The following PDZRN4 variants were observed in gnomAD, a reference collection of about 807,000 sequenced individuals.
PDZRN4 encodes PDZ domain-containing RING finger protein 4.
Under a neutral mutation model 99.0 loss-of-function variants are expected in PDZRN4, and 70 were observed. The observed-to-expected ratio is 0.71, with a 90% confidence interval of 0.58 to 0.86. PDZRN4 has a LOEUF of 0.86. PDZRN4 is among the 40% of genes least tolerant of loss of function. The pLI, the probability that PDZRN4 is intolerant of heterozygous loss-of-function variation, is 0.00. For synonymous variants in PDZRN4, 551 were observed against 501.6 expected (o/e 1.10, Z -1.32); for missense variants, 1,474 against 1,331.2 (o/e 1.11, Z -1.67).
rs181250678 is a variant in PDZRN4 at position 41,205,014 on chromosome 12, A to T, written c.843+10826A>T. 1.3e-3 allele frequency among the ~76,000 whole-genome samples: 194 copies of T among 152,044 alleles called. 1 individual carries two copies. Among genetic ancestry groups the T allele is most frequent in the African/African-American group, 4.4e-3 (184 of 41,506 alleles). ...AACTATTTTTGTTAAAAGACATTTA[A>T]TTATTTTATTTTATTTTTATGATTC... On this transcript the variant is annotated intron_variant, in intron 3 of 9. Coordinates refer to ENST00000402685, the MANE Select transcript of PDZRN4 (RefSeq NM_001164595.2).
At chr12:41,260,304 T>A (rs989253974) in intron 3 of PDZRN4, among the ~76,000 whole-genome samples, 1 of 152,148 alleles carries the variant, frequency 6.6e-6, no homozygotes, top group Non-Finnish European at 1.5e-5. Flanking sequence ...TTCCCTAACA[T>A]AACAGCAGAG....
chr12:41,549,856 G>T (rs1201734232), intron 5 of PDZRN4, among the ~76,000 whole-genome samples: 3 of 152,104 alleles, frequency 2.0e-5, no homozygotes, highest in Non-Finnish European at 4.4e-5. Context: ...CATACCTCAA[G>T]GACTCCAAGG....
intron 5 of PDZRN4, among the ~76,000 whole-genome samples, chr12:41,511,596 G>A (rs1248296713): frequency 6.6e-6 from 1 of 152,036 alleles, no homozygotes; most frequent in Admixed American, 6.6e-5. Context: ...TCATTAGAAA[G>A]GATGCATTTG....
At chr12:41,365,177 A>G (rs1004097005) in intron 3 of PDZRN4, among the ~76,000 whole-genome samples, 1 of 152,136 alleles carries the variant, frequency 6.6e-6, no homozygotes. Context: ...ATGGGAAATA[A>G]TAAAAGATAT....
intron 3 of PDZRN4, among the ~76,000 whole-genome samples, chr12:41,405,701 T>C (rs1272656502): frequency 6.6e-6 from 1 of 152,088 alleles, no homozygotes; most frequent in Non-Finnish European, 1.5e-5. Flanking sequence ...TCAACCTAAA[T>C]GCGGATCAGT....
intron 3 of PDZRN4, among the ~76,000 whole-genome samples, chr12:41,392,977 A>T (rs993088765): frequency 6.6e-6 from 1 of 152,204 alleles, no homozygotes; most frequent in African/African-American, 2.4e-5. Flanking sequence ...ATTCAGGAAG[A>T]TTTATTGGGT....
intron 3 of PDZRN4, among the ~76,000 whole-genome samples, chr12:41,282,762 C>T (rs1235360371): frequency 6.6e-6 from 1 of 152,120 alleles, no homozygotes; most frequent in African/African-American, 2.4e-5. Flanking sequence ...CAACCTGCTC[C>T]TGAATGACTA....
intron 5 of PDZRN4, among the ~76,000 whole-genome samples, chr12:41,533,873 T>G (rs192108339): frequency 3.8e-4 from 58 of 152,326 alleles, no homozygotes; most frequent in African/African-American, 1.4e-3. Flanking sequence ...CCTTTTCTGT[T>G]TCTTCTTCCC....
chr12:41,216,379 T>C (rs1950920877), intron 3 of PDZRN4, among the ~76,000 whole-genome samples: 1 of 151,958 alleles, frequency 6.6e-6, no homozygotes, highest in South Asian at 2.1e-4. Flanking sequence ...AAGAATAAAA[T>C]TAAGTTTTAG....
chr12:41,345,735 C>T (rs964347026), intron 3 of PDZRN4, among the ~76,000 whole-genome samples: 1 of 152,082 alleles, frequency 6.6e-6, no homozygotes, highest in Admixed American at 6.6e-5. Context: ...ACCTTTCTTC[C>T]TCTTGCCCCC....
intron 3 of PDZRN4, among the ~76,000 whole-genome samples, chr12:41,489,998 G>C (rs1287129787): frequency 6.6e-6 from 1 of 150,920 alleles, no homozygotes; most frequent in African/African-American, 2.5e-5. Flanking sequence ...TTAATTAACT[G>C]ATCTGGGCAT....
chr12:41,346,352 T>C (rs998735376), intron 3 of PDZRN4, among the ~76,000 whole-genome samples: 2 of 151,872 alleles, frequency 1.3e-5, no homozygotes, highest in Non-Finnish European at 2.9e-5. Context: ...GTCTCAGCTA[T>C]TCGGGAGGCT....
intron 3 of PDZRN4, among the ~76,000 whole-genome samples, chr12:41,500,253 C>A (rs1938087001): frequency 6.6e-6 from 1 of 151,894 alleles, no homozygotes; most frequent in South Asian, 2.1e-4. Context: ...AGAAAGCCAG[C>A]TGCCTGGCAA....
At chr12:41,205,465 C>A (rs752928842) in intron 3 of PDZRN4, among the ~76,000 whole-genome samples, 1 of 151,924 alleles carries the variant, frequency 6.6e-6, no homozygotes, top group Non-Finnish European at 1.5e-5. Flanking sequence ...CCTTTGTCCA[C>A]CCTCCCCTTA....
intron 3 of PDZRN4, among the ~76,000 whole-genome samples, chr12:41,213,700 A>G (rs1345899605): frequency 6.6e-6 from 1 of 152,124 alleles, no homozygotes; most frequent in Non-Finnish European, 1.5e-5. Context: ...CCTGATGACA[A>G]TAAGGGACTC....
intron 3 of PDZRN4, among the ~76,000 whole-genome samples, chr12:41,455,375 A>G (rs1176802966): frequency 6.6e-6 from 1 of 152,190 alleles, no homozygotes; most frequent in East Asian, 1.9e-4. Context: ...TTATCATTTT[A>G]CATTTGCAAA....
intron 2 of PDZRN4, among the ~76,000 whole-genome samples, chr12:41,193,317 T>C (rs554786376): frequency 3.7e-4 from 56 of 152,366 alleles, no homozygotes; most frequent in African/African-American, 1.2e-3. Context: ...AATAATTTTA[T>C]TTAACCTGTC....
At chr12:41,447,144 T>C (rs1952736022) in intron 3 of PDZRN4, among the ~76,000 whole-genome samples, 1 of 152,074 alleles carries the variant, frequency 6.6e-6, no homozygotes, top group Admixed American at 6.6e-5. Flanking sequence ...AATCATAGAA[T>C]ATGTATAAAT....
At chr12:41,505,901 C>G (rs943960548) in intron 3 of PDZRN4, among the ~76,000 whole-genome samples, 6 of 152,062 alleles carry the variant, frequency 3.9e-5, no homozygotes, top group African/African-American at 1.4e-4. Context: ...TTCTAATAAT[C>G]TTTCATGTGA....
Sources: gnomAD v4.1 joint callset for allele counts (sites outside exome capture counted in the v4.1 genomes callset) on GRCh38, gnomAD v4.1.1 for gene constraint, MANE v1.5 for transcripts, NCBI Gene and HGNC (gene_info 2026-07-23, HGNC 2026-07-21) for gene names.